MED13L: variants seen among roughly 807,000 people sequenced by gnomAD.
MED13L encodes mediator complex subunit 13L.
Under a neutral mutation model 220.9 loss-of-function variants are expected in MED13L, and 7 were observed. That is an observed-to-expected ratio of 0.03 (90% CI 0.02 to 0.06). The LOEUF is 0.06. Ranked by LOEUF, MED13L falls within the 10% of genes least tolerant of loss-of-function variation. The pLI, the probability that MED13L is intolerant of heterozygous loss-of-function variation, is 1.00. For missense variants in MED13L, 1,965 were observed against 2,760.5 expected (o/e 0.71, Z 6.46); for synonymous variants, 1,011 against 1,015.2 (o/e 1.00, Z 0.08).
intron 30 of MED13L, 179 bp from the exon 31 acceptor site, chr12:115,961,577 TC>T: frequency 1.2e-6 from 1 of 855,442 alleles, no homozygotes; most frequent in Non-Finnish European, 1.8e-6. Context: ...ATATGGACTA[TC>T]CAGTACAGTA....
At chr12:116,267,833 C>T (rs1872948598) in intron 1 of MED13L, among the ~76,000 whole-genome samples, 1 of 152,178 alleles carries the variant, frequency 6.6e-6, no homozygotes, top group African/African-American at 2.4e-5. Flanking sequence ...AATCTAAACA[C>T]TAAATGAATT....
intron 4 of MED13L, among the ~76,000 whole-genome samples, chr12:116,042,997 GA>G (rs1366494596): frequency 6.6e-6 from 1 of 151,830 alleles, no homozygotes; most frequent in Non-Finnish European, 1.5e-5. Context: ...AGCCCTCACA[GA>G]ACGTAAACTT....
chr12:116,158,065 G>C (rs1242040758), intron 2 of MED13L, among the ~76,000 whole-genome samples: 1 of 151,730 alleles, frequency 6.6e-6, no homozygotes, highest in African/African-American at 2.4e-5. Context: ...GTAAGCAGTA[G>C]ATGAGGAGCT....
At chr12:116,201,454 GAC>G (rs1467157423) in intron 2 of MED13L, among the ~76,000 whole-genome samples, 1 of 151,808 alleles carries the variant, frequency 6.6e-6, no homozygotes, top group Non-Finnish European at 1.5e-5. Flanking sequence ...AAATAAAAAT[GAC>G]ACATGTAGAT....
chr12:116,235,163 T>G (rs1033936704), intron 2 of MED13L, among the ~76,000 whole-genome samples: 10 of 152,204 alleles, frequency 6.6e-5, no homozygotes, highest in Non-Finnish European at 1.2e-4. Flanking sequence ...CTAGATATTT[T>G]CTGTTATTAG....
chr12:116,073,640 A>C (rs1870560658), intron 4 of MED13L, among the ~76,000 whole-genome samples: 1 of 152,242 alleles, frequency 6.6e-6, no homozygotes. Context: ...AACTTGGTGA[A>C]AACCCAAAAT....
chr12:115,977,488 C>A (rs1043473641), intron 23 of MED13L, among the ~76,000 whole-genome samples: 4 of 152,172 alleles, frequency 2.6e-5, no homozygotes, highest in African/African-American at 4.8e-5. Flanking sequence ...TATGTCCACA[C>A]AAAAACCTTG....
chr12:116,060,608 AAAAGACAATAT>A (rs138748742), intron 4 of MED13L, among the ~76,000 whole-genome samples: 150 of 152,066 alleles, frequency 9.9e-4, no homozygotes, highest in Non-Finnish European at 1.7e-3. Flanking sequence ...AAAAATTTGC[AAAAGACAATAT>A]AAAGACAATG....
rs562853726 is a variant in MED13L, at chr12:116,191,103, A to AAAAAG, written c.310+46360_310+46364dup. Among the ~76,000 whole-genome samples, 931 of 151,096 alleles carry AAAAAG rather than the reference A, an allele frequency of 6.2e-3. 7 individuals are homozygous for AAAAAG. The highest frequency in any genetic ancestry group is 0.015 in the East Asian group (77 of 5,148). On this transcript the variant is annotated intron_variant, in intron 2 of 30. Coordinates refer to ENST00000281928, the MANE Select transcript of MED13L (RefSeq NM_015335.5). Reference sequence around the variant, plus strand: ...CGAGACTCTGTCTCAAAAAAAAAAAAAAAAGAAAAGAAAAGAAAAGAAAAT... The same window carrying AAAAAG: ...CGAGACTCTGTCTCAAAAAAAAAAAAAAAAGAAAAGAAAAGAAAAGAAAAGAAAAT...
At chr12:116,179,860 T>C (rs192998199) in intron 2 of MED13L, among the ~76,000 whole-genome samples, 2 of 152,200 alleles carry the variant, frequency 1.3e-5, no homozygotes, top group Non-Finnish European at 2.9e-5. Flanking sequence ...TTTGCCCAAA[T>C]ACAATCAGCT....
intron 2 of MED13L, among the ~76,000 whole-genome samples, chr12:116,196,608 A>C (rs1881641421): frequency 6.6e-6 from 1 of 152,208 alleles, no homozygotes; most frequent in African/African-American, 2.4e-5. Flanking sequence ...TACAATCAAA[A>C]AGCAAACCTA....
intron 2 of MED13L, among the ~76,000 whole-genome samples, chr12:116,135,844 G>A (rs1335124705): frequency 6.6e-6 from 1 of 151,492 alleles, no homozygotes. Flanking sequence ...CAGAAACTAT[G>A]TTCAGTATAC....
At chr12:116,103,723 C>T (rs1192298004) in intron 3 of MED13L, among the ~76,000 whole-genome samples, 1 of 152,202 alleles carries the variant, frequency 6.6e-6, no homozygotes, top group African/African-American at 2.4e-5. Context: ...TGCTTTCAGT[C>T]ACTTGTTCTA....
At chr12:116,156,916 G>A (rs993498620) in intron 2 of MED13L, among the ~76,000 whole-genome samples, 2 of 152,096 alleles carry the variant, frequency 1.3e-5, no homozygotes, top group Non-Finnish European at 2.9e-5. Context: ...GGATGAAAGA[G>A]CAACTAGACA....
intron 4 of MED13L, among the ~76,000 whole-genome samples, chr12:116,054,213 AACAC>A (rs58217261): frequency 3.4e-4 from 45 of 131,112 alleles, no homozygotes; most frequent in African/African-American, 5.9e-4. Context: ...CACACACACA[AACAC>A]ACACACACAC....
chr12:116,119,834 AAAAAATATAT>A (rs1277820392), intron 2 of MED13L, among the ~76,000 whole-genome samples: 8 of 94,968 alleles, frequency 8.4e-5, no homozygotes, highest in African/African-American at 3.9e-4. Flanking sequence ...AAAAAAAAAA[AAAAAATATAT>A]ATATATATAT....
chr12:115,980,516 G>T (rs1877249595), intron 23 of MED13L: 6 of 568,968 alleles, frequency 1.1e-5, no homozygotes, highest in South Asian at 1.0e-4. Context: ...TAGAGATGGG[G>T]TCTTGCTATG....
chr12:116,248,629 T>C (rs901964030), intron 1 of MED13L, among the ~76,000 whole-genome samples: 4 of 152,240 alleles, frequency 2.6e-5, no homozygotes, highest in Admixed American at 6.5e-5. Flanking sequence ...CACCTGTTTT[T>C]GTAAATAAAG....
At chr12:116,059,734 A>G (rs1341009607) in intron 4 of MED13L, among the ~76,000 whole-genome samples, 2 of 151,980 alleles carry the variant, frequency 1.3e-5, no homozygotes, top group African/African-American at 4.8e-5. Flanking sequence ...ATTCTTTTAC[A>G]CTGTAAAAGT....
Sources: allele counts gnomAD v4.1 joint callset (sites outside exome capture counted in the v4.1 genomes callset), GRCh38; gene constraint gnomAD v4.1.1; transcripts MANE v1.5; gene names NCBI Gene and HGNC (gene_info 2026-07-23, HGNC 2026-07-21).